LINGO2: variants seen among roughly 807,000 people sequenced by gnomAD.
LINGO2 encodes the protein leucine rich repeat and Ig domain containing 2.
Under a neutral mutation model 30.6 loss-of-function variants are expected in LINGO2, and 14 were observed. That is an observed-to-expected ratio of 0.46 (90% CI 0.30 to 0.72). LINGO2 has a LOEUF of 0.72. LINGO2 is among the 30% of genes least tolerant of loss of function. The pLI is 0.07. For missense variants in LINGO2, 729 were observed against 751.7 expected (o/e 0.97, Z 0.35); for synonymous variants, 317 against 288.5 (o/e 1.10, Z -1.00).
chr9:28,429,275 T>G (rs4329358), intron 2 of LINGO2, among the ~76,000 whole-genome samples: 19,267 of 152,142 alleles, frequency 0.13, 1,411 homozygotes, highest in East Asian at 0.23. Flanking sequence ...TGCTCTGGAC[T>G]TTTTTCTTCC....
the LINGO2 span, among the ~76,000 whole-genome samples, chr9:29,037,466 T>C: frequency 6.6e-6 from 1 of 151,986 alleles, no homozygotes; most frequent in African/African-American, 2.4e-5. Flanking sequence ...TCTAGTTTTC[T>C]AGAACAAATA....
chr9:27,957,786 A>G (rs1448587056), intron 5 of LINGO2, among the ~76,000 whole-genome samples: 3 of 152,218 alleles, frequency 2.0e-5, no homozygotes, highest in African/African-American at 4.8e-5. Context: ...TAAATTAATA[A>G]ATCTATGGAG....
intron 4 of LINGO2, among the ~76,000 whole-genome samples, chr9:28,230,375 G>A (rs1034705773): frequency 2.0e-5 from 3 of 151,792 alleles, no homozygotes; most frequent in Non-Finnish European, 3.0e-5. Flanking sequence ...AATGACAAAT[G>A]TCATCTTTAT....
At chr9:28,886,504 T>A in the LINGO2 span, among the ~76,000 whole-genome samples, 1 of 152,132 alleles carries the variant, frequency 6.6e-6, no homozygotes, top group African/African-American at 2.4e-5. Flanking sequence ...CAAATGAAAC[T>A]TTAATTAGAG....
chr9:28,134,385 G>C lies in LINGO2; in HGVS notation c.-86-121980C>G, dbSNP rs576979721. ...AACCATTAAGCATCAGGAAAACAAA[G>C]AAACAAACAAACATATATAAAATGT... On this transcript the variant is annotated intron_variant, in intron 4 of 5. Coordinates refer to ENST00000379992, the Ensembl canonical transcript of LINGO2. Among the ~76,000 whole-genome samples the C allele has an allele frequency of 2.6e-5, 4 of 152,224 alleles. No individual in the cohort carries two copies. In the East Asian group the frequency reaches 5.8e-4, roughly 22 times the overall value.
intron 1 of LINGO2, among the ~76,000 whole-genome samples, chr9:28,638,606 T>G (rs900007896): frequency 6.6e-6 from 1 of 152,212 alleles, no homozygotes; most frequent in African/African-American, 2.4e-5. Flanking sequence ...TATATTTGCG[T>G]AGAGGTGTTT....
At chr9:28,514,935 T>TA (rs57950564) in intron 1 of LINGO2, among the ~76,000 whole-genome samples, 105,910 of 148,216 alleles carry the variant, frequency 0.71, 37,813 homozygotes, top group East Asian at 0.86. Context: ...ATGCTCTATT[T>TA]AAAAAAAAAA....
the LINGO2 span, among the ~76,000 whole-genome samples, chr9:28,776,899 C>A: frequency 1.3e-5 from 2 of 151,764 alleles, no homozygotes; most frequent in African/African-American, 4.8e-5. Flanking sequence ...TGTGTCCCTG[C>A]CCAAATCTCT....
At chr9:27,986,911 T>C (rs1366145993) in intron 5 of LINGO2, among the ~76,000 whole-genome samples, 1 of 151,844 alleles carries the variant, frequency 6.6e-6, no homozygotes, top group East Asian at 2.0e-4. Flanking sequence ...AAAAGAGGGC[T>C]GGCTCCCTGC....
At chr9:28,714,226 T>C in the LINGO2 span, among the ~76,000 whole-genome samples, 1 of 144,044 alleles carries the variant, frequency 6.9e-6, no homozygotes, top group African/African-American at 2.6e-5. Context: ...CATATACATA[T>C]ATATATATCT....
At chr9:28,969,448 G>C in the LINGO2 span, among the ~76,000 whole-genome samples, 1 of 152,148 alleles carries the variant, frequency 6.6e-6, no homozygotes, top group Admixed American at 6.5e-5. Flanking sequence ...AAAAGGTAAC[G>C]GGACATAGTA....
the LINGO2 span, among the ~76,000 whole-genome samples, chr9:29,092,678 A>ATG: frequency 5.7e-5 from 7 of 121,922 alleles, 2 homozygotes; most frequent in Admixed American, 8.6e-5. Context: ...AATTTTCTTA[A>ATG]CAAAGACTGC....
upstream of LINGO2, among the ~76,000 whole-genome samples, chr9:28,671,938 A>G (rs539911849): frequency 3.9e-5 from 6 of 152,262 alleles, 1 homozygote; most frequent in African/African-American, 1.4e-4. Context: ...TTATATTATC[A>G]TTTCAATTTT....
At chr9:28,677,914 C>G in the LINGO2 span, among the ~76,000 whole-genome samples, 12 of 151,878 alleles carry the variant, frequency 7.9e-5, no homozygotes, top group South Asian at 2.5e-3. Flanking sequence ...CTCCTTCTCT[C>G]TCACCTGCCC....
At chr9:28,961,163 T>C in the LINGO2 span, among the ~76,000 whole-genome samples, 18 of 152,182 alleles carry the variant, frequency 1.2e-4, no homozygotes, top group Non-Finnish European at 1.8e-4. Context: ...ATTCTCTAGA[T>C]GGCAATACAA....
At chr9:28,679,153 T>G in the LINGO2 span, among the ~76,000 whole-genome samples, 1 of 152,166 alleles carries the variant, frequency 6.6e-6, no homozygotes, top group Non-Finnish European at 1.5e-5. Flanking sequence ...CTCATCTTCT[T>G]TCATTACTGG....
intron 4 of LINGO2, among the ~76,000 whole-genome samples, chr9:28,216,238 C>T (rs572216683): frequency 4.5e-4 from 69 of 151,990 alleles, no homozygotes; most frequent in Middle Eastern, 3.4e-3. Flanking sequence ...TAGTCCACAA[C>T]CCATGGATAG....
At chr9:28,114,813 A>T in intron 4 of LINGO2, among the ~76,000 whole-genome samples, 1 of 60,372 alleles carries the variant, frequency 1.7e-5, no homozygotes, top group African/African-American at 6.8e-5. Context: ...TTTTTTCTCT[A>T]TTAGTCTTGC....
Position 28,387,634 on chromosome 9 carries a change from C to T in LINGO2, c.-278-14766G>A, listed in dbSNP as rs747555062. Among the ~76,000 whole-genome samples, 6 of 152,308 alleles carry T rather than the reference C, an allele frequency of 3.9e-5. No individual in the cohort carries two copies. In the South Asian group the frequency reaches 6.2e-4, roughly 16 times the overall value. On this transcript the variant is annotated intron_variant, in intron 2 of 5. Coordinates refer to ENST00000379992, the Ensembl canonical transcript of LINGO2. Reference sequence around the variant, plus strand: ...TTCATTCCTGAAGTCTGCCAGACCACGAACCCATCAGGAGGAATGAACAAC... The same window carrying T: ...TTCATTCCTGAAGTCTGCCAGACCATGAACCCATCAGGAGGAATGAACAAC...
Sources: allele counts gnomAD v4.1 joint callset (sites outside exome capture counted in the v4.1 genomes callset), GRCh38; gene constraint gnomAD v4.1.1; transcripts MANE v1.5; gene names NCBI Gene and HGNC (gene_info 2026-07-23, HGNC 2026-07-21).